SCAPER: variants seen among roughly 807,000 people sequenced by gnomAD.
The protein encoded by SCAPER is S-phase cyclin A associated protein in the ER.
SCAPER carries 98 observed loss-of-function variants against 182.2 expected under a neutral mutation model. The observed-to-expected ratio is 0.54, with a 90% CI of 0.46 to 0.64. The LOEUF is 0.64. Ranked by LOEUF, SCAPER falls within the 30% of genes least tolerant of loss-of-function variation. The pLI, the probability that SCAPER is intolerant of heterozygous loss-of-function variation, is 0.00. For missense variants in SCAPER, 1,432 were observed against 1,690.0 expected, an observed-to-expected ratio of 0.85 and a Z score of 2.68; for synonymous variants, 605 against 564.6, an observed-to-expected ratio of 1.07 and a Z score of -1.01.
intron 15 of SCAPER, among the ~76,000 whole-genome samples, chr15:76,750,708 C>T (rs1400633463): frequency 2.0e-5 from 3 of 151,802 alleles, no homozygotes; most frequent in African/African-American, 4.8e-5. Flanking sequence ...AATTCAACAT[C>T]TTTCATGATA....
intron 17 of SCAPER, among the ~76,000 whole-genome samples, chr15:76,725,487 C>T (rs187171597): frequency 1.3e-5 from 2 of 150,088 alleles, no homozygotes; most frequent in Admixed American, 1.3e-4. Context: ...ATCCCAATGA[C>T]TTCTTTTTTA....
At chr15:76,610,925 A>G (rs2050921082) in intron 22 of SCAPER, among the ~76,000 whole-genome samples, 1 of 152,228 alleles carries the variant, frequency 6.6e-6, no homozygotes, top group Non-Finnish European at 1.5e-5. Flanking sequence ...CAATTCTAAA[A>G]TACAAATGGA....
intron 27 of SCAPER, among the ~76,000 whole-genome samples, chr15:76,397,614 G>T (rs2044164744): frequency 6.6e-6 from 1 of 151,474 alleles, no homozygotes; most frequent in Non-Finnish European, 1.5e-5. Flanking sequence ...CCCAGTAGCT[G>T]GGATTATAGG....
chr15:76,408,196 C>T (rs1329692905), intron 26 of SCAPER, among the ~76,000 whole-genome samples: 2 of 152,016 alleles, frequency 1.3e-5, no homozygotes, highest in South Asian at 2.1e-4. Context: ...CTTTTAAAAC[C>T]CCCTTTGAAA....
intron 4 of SCAPER, among the ~76,000 whole-genome samples, chr15:76,846,141 G>A (rs2070057052): frequency 6.6e-6 from 1 of 152,038 alleles, no homozygotes; most frequent in Admixed American, 6.6e-5. Flanking sequence ...CCGGATATCT[G>A]TATGCAGAAG....
At chr15:76,774,818 T>C (rs2063653204) in intron 9 of SCAPER, 37 bp downstream of exon 9, 1 of 1,572,406 alleles carries the variant, frequency 6.4e-7, no homozygotes, top group African/African-American at 1.4e-5. Context: ...CATACACCTT[T>C]GAAAAAGACA....
intron 15 of SCAPER, among the ~76,000 whole-genome samples, chr15:76,741,151 T>C (rs780187701): frequency 1.3e-5 from 2 of 152,134 alleles, no homozygotes; most frequent in Non-Finnish European, 2.9e-5. Flanking sequence ...TAATACATCT[T>C]ACTACGAAGT....
At chr15:76,389,329 T>C (rs540141860) in intron 27 of SCAPER, among the ~76,000 whole-genome samples, 139 of 151,252 alleles carry the variant, frequency 9.2e-4, no homozygotes, top group South Asian at 1.7e-3. Flanking sequence ...GGTGAAACCC[T>C]GTCTCTACTA....
intron 28 of SCAPER, 62 bp from the exon 29 acceptor site, chr15:76,376,373 C>T: frequency 1.3e-6 from 2 of 1,506,348 alleles, no homozygotes; most frequent in East Asian, 2.4e-5. Flanking sequence ...CTGCAAATCA[C>T]AAAGCAAGAC....
At chr15:76,361,514 C>T (rs1476617374) in intron 29 of SCAPER, among the ~76,000 whole-genome samples, 1 of 152,158 alleles carries the variant, frequency 6.6e-6, no homozygotes, top group East Asian at 1.9e-4. Context: ...ATTTCAGAAG[C>T]AAGTCTAATA....
chr15:76,522,186 T>C (rs1237490457), intron 23 of SCAPER, among the ~76,000 whole-genome samples: 1 of 152,160 alleles, frequency 6.6e-6, no homozygotes. Context: ...CCAAAATGCA[T>C]TGTTACTAAC....
intron 26 of SCAPER, among the ~76,000 whole-genome samples, chr15:76,413,636 G>C (rs2045450988): frequency 1.3e-5 from 2 of 152,212 alleles, no homozygotes; most frequent in African/African-American, 4.8e-5. Context: ...TGGCTGTCCA[G>C]TATAGTAAAG....
At chr15:76,706,465 T>A (rs2059267606) in intron 17 of SCAPER, among the ~76,000 whole-genome samples, 1 of 152,076 alleles carries the variant, frequency 6.6e-6, no homozygotes, top group Non-Finnish European at 1.5e-5. Context: ...CTAGCAAAAT[T>A]CCATAGAAGC....
chr15:76,788,131 T>G (rs2064748723), intron 8 of SCAPER, among the ~76,000 whole-genome samples: 1 of 152,154 alleles, frequency 6.6e-6, no homozygotes, highest in African/African-American at 2.4e-5. Flanking sequence ...ACAATGCACA[T>G]ATAAAAATAG....
At chr15:76,411,615 T>C (rs952165624) in intron 26 of SCAPER, among the ~76,000 whole-genome samples, 1 of 152,178 alleles carries the variant, frequency 6.6e-6, no homozygotes, top group African/African-American at 2.4e-5. Flanking sequence ...TGTGAACATG[T>C]GTTTTCATTT....
chr15:76,487,467 G>T (rs2051771788), intron 24 of SCAPER, among the ~76,000 whole-genome samples: 1 of 152,122 alleles, frequency 6.6e-6, no homozygotes, highest in African/African-American at 2.4e-5. Flanking sequence ...TTATGCATTT[G>T]TCAACCCCAC....
At chr15:76,851,489 C>G (rs768108981) in intron 4 of SCAPER, among the ~76,000 whole-genome samples, 1 of 152,122 alleles carries the variant, frequency 6.6e-6, no homozygotes, top group Non-Finnish European at 1.5e-5. Context: ...AAGCTAACAT[C>G]AGACCTCTCA....
chr15:76,659,783 C>T (rs923976935), intron 21 of SCAPER, among the ~76,000 whole-genome samples: 2 of 152,132 alleles, frequency 1.3e-5, no homozygotes, highest in African/African-American at 4.8e-5. Flanking sequence ...TGAGGGAATG[C>T]TCATATATTG....
intron 4 of SCAPER, among the ~76,000 whole-genome samples, chr15:76,844,580 T>A (rs935412723): frequency 1.3e-5 from 2 of 152,160 alleles, no homozygotes; most frequent in African/African-American, 2.4e-5. Flanking sequence ...GTGGCTACTA[T>A]GAGAAACTAT....
Sources: gnomAD v4.1 joint callset for allele counts (sites outside exome capture counted in the v4.1 genomes callset) on GRCh38, gnomAD v4.1.1 for gene constraint, MANE v1.5 for transcripts, NCBI Gene and HGNC (gene_info 2026-07-23, HGNC 2026-07-21) for gene names.